Variants in OSBPL9 observed in about 807,000 individuals in gnomAD.
OSBPL9 encodes oxysterol-binding protein-related protein 9.
OSBPL9 carries 40 observed loss-of-function variants against 106.6 expected under a neutral mutation model. The observed-to-expected ratio is 0.38, with a 90% CI of 0.29 to 0.49. The LOEUF is 0.49. Ranked by LOEUF, OSBPL9 falls within the 20% of genes least tolerant of loss-of-function variation. OSBPL9 has a pLI of 0.97. For missense variants in OSBPL9, 609 were observed against 887.2 expected (o/e 0.69, Z 3.98); for synonymous variants, 269 against 295.4 (o/e 0.91, Z 0.92).
At chr1:51,784,933 C>G (rs568405609) in intron 20 of OSBPL9, 2 of 253,454 alleles carry the variant, frequency 7.9e-6, no homozygotes, top group East Asian at 2.0e-4. Flanking sequence ...TTTGTGACCC[C>G]TGCAGCACTG....
chr1:51,744,925 TG>T (rs1310376200), intron 4 of OSBPL9, among the ~76,000 whole-genome samples: 1 of 152,156 alleles, frequency 6.6e-6, no homozygotes, highest in African/African-American at 2.4e-5. Context: ...CACGTCTAAG[TG>T]TAGTGTTCAT....
intron 3 of OSBPL9, among the ~76,000 whole-genome samples, chr1:51,698,411 C>T (rs1331745826): frequency 6.6e-6 from 1 of 152,058 alleles, no homozygotes; most frequent in African/African-American, 2.4e-5. Flanking sequence ...ATGTGTATGG[C>T]ATATAATAAG....
At chr1:51,746,164 G>A (rs1175093461) in intron 5 of OSBPL9, among the ~76,000 whole-genome samples, 2 of 152,102 alleles carry the variant, frequency 1.3e-5, no homozygotes, top group South Asian at 2.1e-4. Flanking sequence ...GGCTGGTCTC[G>A]AACTCCTGAC....
At chr1:51,551,715 T>C in the OSBPL9 span, among the ~76,000 whole-genome samples, 2 of 151,858 alleles carry the variant, frequency 1.3e-5, no homozygotes, top group Non-Finnish European at 2.9e-5. Context: ...GCCTCCTGAG[T>C]AGCTGGGACT....
chr1:51,660,955 T>C (rs1647106307), intron 2 of OSBPL9, among the ~76,000 whole-genome samples: 1 of 152,156 alleles, frequency 6.6e-6, no homozygotes, highest in African/African-American at 2.4e-5. Flanking sequence ...AGTATTCTTC[T>C]CCCTTTTAGT....
chr1:51,712,198 G>T (rs1276265935), intron 3 of OSBPL9, among the ~76,000 whole-genome samples: 1 of 152,258 alleles, frequency 6.6e-6, no homozygotes, highest in Non-Finnish European at 1.5e-5. Flanking sequence ...ATCACTCGCG[G>T]TTAGGGGCTG....
the OSBPL9 span, among the ~76,000 whole-genome samples, chr1:51,558,518 C>A: frequency 5.0e-4 from 76 of 152,160 alleles, no homozygotes; most frequent in Middle Eastern, 3.4e-3. Context: ...CTGGCACTAC[C>A]CAAATTGATA....
At position 51,617,135 on chromosome 1, in the gene OSBPL9, C is replaced by T; in HGVS notation, c.25C>T (p.Leu9=). 1 of 1,613,248 alleles carries T rather than the reference C, an allele frequency of 6.2e-7. No homozygotes were observed. Among genetic ancestry groups the T allele is most frequent in the Non-Finnish European group, 8.5e-7 (1 of 1,179,758 alleles). ...GATGGCGTCCATCATGGAAGGGCCGCTGAGCAAATGGACTAACGTGATGAA... is the reference window on the plus strand; with the variant it reads ...GATGGCGTCCATCATGGAAGGGCCGTTGAGCAAATGGACTAACGTGATGAA... MASIMEGP[L]SKWTNVMKGW... Residue 9 remains leucine (L), a synonymous_variant, in exon 1 of 24, where the codon CTG becomes TTG. Coordinates refer to ENST00000428468, the MANE Select transcript of OSBPL9 (RefSeq NM_024586.6).
At chr1:51,654,613 C>A (rs1288653695) in intron 2 of OSBPL9, among the ~76,000 whole-genome samples, 1 of 152,034 alleles carries the variant, frequency 6.6e-6, no homozygotes, top group Non-Finnish European at 1.5e-5. Flanking sequence ...ATATTCATAG[C>A]ATTATTTGCA....
At chr1:51,580,002 C>T (rs1040719753) in intron 1 of OSBPL9, among the ~76,000 whole-genome samples, 4 of 152,128 alleles carry the variant, frequency 2.6e-5, no homozygotes, top group African/African-American at 9.7e-5. Context: ...TGTGAGCACT[C>T]ACTTCTCTCT....
chr1:51,698,676 A>G (rs1385683054), intron 3 of OSBPL9, among the ~76,000 whole-genome samples: 1 of 152,178 alleles, frequency 6.6e-6, no homozygotes, highest in Non-Finnish European at 1.5e-5. Context: ...TACAAATAAC[A>G]TTATTTAAAA....
At chr1:51,739,347 G>A (rs539555701) in intron 4 of OSBPL9, among the ~76,000 whole-genome samples, 1 of 151,972 alleles carries the variant, frequency 6.6e-6, no homozygotes, top group African/African-American at 2.4e-5. Flanking sequence ...GAGAAAGCTT[G>A]TAAAGTGTCT....
chr1:51,523,914 T>C, the OSBPL9 span, among the ~76,000 whole-genome samples: 1 of 152,112 alleles, frequency 6.6e-6, no homozygotes, highest in Non-Finnish European at 1.5e-5. Flanking sequence ...AGTTGAGAAA[T>C]GTGAAGTGAT....
chr1:51,555,297 C>T, the OSBPL9 span, among the ~76,000 whole-genome samples: 1 of 152,006 alleles, frequency 6.6e-6, no homozygotes, highest in East Asian at 2.0e-4. Context: ...CGAGACCAGC[C>T]TGACCAACAT....
At chr1:51,631,902 T>C (rs1364188650) in intron 1 of OSBPL9, among the ~76,000 whole-genome samples, 1 of 152,124 alleles carries the variant, frequency 6.6e-6, no homozygotes, top group Non-Finnish European at 1.5e-5. Context: ...AAAAGTAAGA[T>C]ACAAAAACAT....
chr1:51,733,165 G>A (rs560938279), intron 4 of OSBPL9, among the ~76,000 whole-genome samples: 15 of 152,270 alleles, frequency 9.9e-5, no homozygotes, highest in African/African-American at 3.1e-4. Flanking sequence ...TCACTAAGTT[G>A]TATTGTAAAT....
At chr1:51,606,273 TG>T (rs138923186) in intron 2 of OSBPL9, among the ~76,000 whole-genome samples, 2,330 of 152,318 alleles carry the variant, frequency 0.015, 63 homozygotes, top group African/African-American at 0.053. Context: ...TGGCATGTGT[TG>T]CCGTGTGTGG....
intron 2 of OSBPL9, among the ~76,000 whole-genome samples, chr1:51,666,339 G>A (rs1648510825): frequency 6.6e-6 from 1 of 152,056 alleles, no homozygotes; most frequent in South Asian, 2.1e-4. Flanking sequence ...AGGGAGATGT[G>A]GGATTTTGCT....
intron 2 of OSBPL9, among the ~76,000 whole-genome samples, chr1:51,669,026 C>T (rs1649205059): frequency 6.6e-6 from 1 of 152,174 alleles, no homozygotes; most frequent in East Asian, 1.9e-4. Context: ...ATCACAGAAG[C>T]AGCCTGCTGA....
Sources: gnomAD v4.1 joint callset for allele counts (sites outside exome capture counted in the v4.1 genomes callset) on GRCh38, gnomAD v4.1.1 for gene constraint, MANE v1.5 for transcripts, NCBI Gene and HGNC (gene_info 2026-07-23, HGNC 2026-07-21) for gene names.